Variants in SNX29 observed in about 807,000 individuals in gnomAD.
SNX29 encodes the protein sorting nexin-29.
A neutral mutation model predicts 102.1 loss-of-function variants in SNX29; 78 were observed. The observed-to-expected ratio is 0.76, with a 90% CI of 0.64 to 0.92. The LOEUF is 0.92. Ranked by LOEUF, SNX29 falls within the 40% of genes least tolerant of loss-of-function variation. The pLI, the probability that SNX29 is intolerant of heterozygous loss-of-function variation, is 0.00. For synonymous variants in SNX29, 580 were observed against 414.5 expected (o/e 1.40, Z -4.85); for missense variants, 1,280 against 1,061.7 (o/e 1.21, Z -2.86).
rs112905623 is a variant in SNX29, at chr16:12,057,731, C to G, written c.1125-3797C>G. Among the ~76,000 whole-genome samples the G allele has an allele frequency of 8.8e-3, 1,337 of 151,962 alleles. 22 individuals are homozygous for G. Among genetic ancestry groups the G allele is most frequent in the African/African-American group, 0.03 (1,250 of 41,458 alleles). On this transcript the variant is annotated intron_variant, in intron 8 of 20. Coordinates refer to ENST00000566228, the MANE Select transcript of SNX29 (RefSeq NM_032167.5). ...TTTTAACATTTAGGATCTCAAACAT[C>G]TCAAATGATGTTTAAGAGTGTCTAG...
At chr16:12,562,960 A>C (rs2078812974) in intron 20 of SNX29, among the ~76,000 whole-genome samples, 2 of 133,194 alleles carry the variant, frequency 1.5e-5, no homozygotes, top group Admixed American at 7.3e-5. Flanking sequence ...ACATTCACCC[A>C]ACACAAGGGG....
At chr16:12,286,804 C>G (rs541790783) in intron 15 of SNX29, among the ~76,000 whole-genome samples, 1 of 152,176 alleles carries the variant, frequency 6.6e-6, no homozygotes, top group Admixed American at 6.5e-5. Context: ...CAAACCTCAG[C>G]CTCTCATGGT....
chr16:12,348,799 C>G (rs1489314732), intron 15 of SNX29, among the ~76,000 whole-genome samples: 1 of 152,196 alleles, frequency 6.6e-6, no homozygotes, highest in Non-Finnish European at 1.5e-5. Context: ...CTTTCTGTGC[C>G]TCAGTTTTCT....
intron 15 of SNX29, among the ~76,000 whole-genome samples, chr16:12,326,463 T>A (rs544490419): frequency 1.3e-5 from 2 of 152,120 alleles, no homozygotes; most frequent in East Asian, 3.9e-4. Flanking sequence ...AAGGGCTGTG[T>A]CGGAAACATG....
intron 1 of SNX29, among the ~76,000 whole-genome samples, chr16:11,987,519 C>T (rs768294387): frequency 2.6e-5 from 4 of 151,780 alleles, no homozygotes; most frequent in Non-Finnish European, 5.9e-5. Flanking sequence ...GCCTTAGACT[C>T]CCGAGTAGCT....
At chr16:12,557,107 C>A (rs758761178) in intron 20 of SNX29, among the ~76,000 whole-genome samples, 1 of 151,326 alleles carries the variant, frequency 6.6e-6, no homozygotes, top group Non-Finnish European at 1.5e-5. Flanking sequence ...CCTCAACCTC[C>A]GAAAGTGCTG....
At chr16:12,436,222 AG>A (rs74759102) in intron 18 of SNX29, among the ~76,000 whole-genome samples, 5,972 of 152,202 alleles carry the variant, frequency 0.039, 287 homozygotes, top group East Asian at 0.28. Flanking sequence ...GGCACAGGTG[AG>A]GGCCACGCCT....
chr16:12,501,274 T>G (rs2089108716), intron 19 of SNX29, among the ~76,000 whole-genome samples: 1 of 152,090 alleles, frequency 6.6e-6, no homozygotes, highest in African/African-American at 2.4e-5. Context: ...TGTGGTGGTG[T>G]GCCCCTGTAC....
At chr16:12,116,690 A>G (rs1260697979) in intron 11 of SNX29, among the ~76,000 whole-genome samples, 1 of 152,246 alleles carries the variant, frequency 6.6e-6, no homozygotes, top group Non-Finnish European at 1.5e-5. Flanking sequence ...AGAAGGAATG[A>G]GGCACTGATA....
At chr16:12,076,395 G>GAT (rs2051573262) in intron 10 of SNX29, among the ~76,000 whole-genome samples, 1 of 151,850 alleles carries the variant, frequency 6.6e-6, no homozygotes, top group Non-Finnish European at 1.5e-5. Context: ...CCGCCTCCTG[G>GAT]GTTCAAGTGA....
chr16:12,114,082 T>C (rs1436698468), intron 11 of SNX29, among the ~76,000 whole-genome samples: 1 of 152,258 alleles, frequency 6.6e-6, no homozygotes, highest in Non-Finnish European at 1.5e-5. Flanking sequence ...TTTCTCATCC[T>C]GTATATCTCC....
At chr16:12,538,652 C>CAGAA (rs768361579) in intron 20 of SNX29, among the ~76,000 whole-genome samples, 1 of 152,120 alleles carries the variant, frequency 6.6e-6, no homozygotes, top group South Asian at 2.1e-4. Flanking sequence ...GGCTGTGAAA[C>CAGAA]AGAAAGATCC....
chr16:12,066,726 G>A (rs1435604670), intron 9 of SNX29, among the ~76,000 whole-genome samples: 1 of 148,496 alleles, frequency 6.7e-6, no homozygotes, highest in African/African-American at 2.5e-5. Context: ...AGAGAGGGGA[G>A]CGCCAAGTAG....
intron 18 of SNX29, among the ~76,000 whole-genome samples, chr16:12,431,849 C>G (rs114290785): frequency 0.015 from 2,233 of 152,212 alleles, 63 homozygotes; most frequent in African/African-American, 0.05. Context: ...AGTCTTGTTC[C>G]TTCATTCATT....
chr16:12,027,417 G>C lies in SNX29; in HGVS notation c.220G>C (p.Ala74Pro). Residue 74 changes from alanine (A) to proline (P), a missense_variant, in exon 4 of 21, where the codon GCG becomes CCG. Coordinates refer to ENST00000566228, the MANE Select transcript of SNX29 (RefSeq NM_032167.5). ...ALTAAAIKQA[A>P]GFASKTETEP... Reference sequence around the variant, plus strand: ...CACAGCGGCAGCGATCAAGCAGGCAGCGGGCTTTGCCAGCAAAACCGAAAC... The same window carrying C: ...CACAGCGGCAGCGATCAAGCAGGCACCGGGCTTTGCCAGCAAAACCGAAAC... The C allele has an allele frequency of 1.9e-6, 3 of 1,614,108 alleles. No homozygotes were observed. Among genetic ancestry groups the C allele is most frequent in the Non-Finnish European group, 2.5e-6 (3 of 1,179,980 alleles).
At chr16:12,067,552 A>C (rs538374492) in intron 9 of SNX29, among the ~76,000 whole-genome samples, 1 of 152,252 alleles carries the variant, frequency 6.6e-6, no homozygotes, top group East Asian at 1.9e-4. Flanking sequence ...CAGTGACGTA[A>C]TCTCAGCTCA....
intron 20 of SNX29, among the ~76,000 whole-genome samples, chr16:12,553,215 T>C (rs1305639156): frequency 1.3e-5 from 2 of 152,162 alleles, no homozygotes; most frequent in African/African-American, 2.4e-5. Flanking sequence ...GTAGCCATGC[T>C]CGCAGATGGG....
At chr16:12,546,874 T>C (rs932201048) in intron 20 of SNX29, among the ~76,000 whole-genome samples, 1 of 152,178 alleles carries the variant, frequency 6.6e-6, no homozygotes, top group African/African-American at 2.4e-5. Context: ...TCAGGCTGGT[T>C]TGGTTTTTCC....
chr16:12,037,983 CA>C (rs1567551944), intron 4 of SNX29, among the ~76,000 whole-genome samples: 78 of 150,576 alleles, frequency 5.2e-4, no homozygotes, highest in African/African-American at 1.7e-3. Flanking sequence ...CAAAACAAAA[CA>C]AAACAAAACA....
Sources: gnomAD v4.1 joint callset for allele counts (sites outside exome capture counted in the v4.1 genomes callset) on GRCh38, gnomAD v4.1.1 for gene constraint, MANE v1.5 for transcripts, NCBI Gene and HGNC (gene_info 2026-07-23, HGNC 2026-07-21) for gene names.